The following ROBO2 variants were observed in gnomAD, a reference collection of about 807,000 sequenced individuals.
The protein encoded by ROBO2 is roundabout guidance receptor 2.
Under a neutral mutation model 160.8 loss-of-function variants are expected in ROBO2, and 53 were observed. That is an observed-to-expected ratio of 0.33 (90% confidence interval 0.26 to 0.41). The LOEUF (loss-of-function observed/expected upper bound fraction) is 0.41, where lower values mean the gene tolerates loss of function less well. Ranked by LOEUF, ROBO2 falls within the 10% of genes least tolerant of loss-of-function variation. The probability of loss-of-function intolerance (pLI) is 1.00; values close to 1 mark genes in which losing one functional copy is unlikely to be tolerated. For missense variants in ROBO2, 1,577 were observed against 1,722.4 expected, an observed-to-expected ratio of 0.92 and a Z score of 1.49; for synonymous variants, 664 against 611.7, an observed-to-expected ratio of 1.09 and a Z score of -1.26.
intron 1 of ROBO2, among the ~76,000 whole-genome samples, chr3:75,925,688 C>T (rs866747888): frequency 6.6e-6 from 1 of 152,178 alleles, no homozygotes; most frequent in African/African-American, 2.4e-5. Context: ...TCAATTTCTA[C>T]TCTTTATATT....
intron 2 of ROBO2, among the ~76,000 whole-genome samples, chr3:76,016,648 TA>T (rs528358858): frequency 7.3e-4 from 111 of 151,772 alleles, no homozygotes; most frequent in Non-Finnish European, 9.9e-4. Context: ...CAATTTTCAA[TA>T]AAAAAAATAA....
intron 2 of ROBO2, among the ~76,000 whole-genome samples, chr3:76,202,877 C>T (rs540723604): frequency 1.3e-4 from 20 of 151,336 alleles, no homozygotes; most frequent in Non-Finnish European, 2.5e-4. Context: ...ACTTGTTGAT[C>T]TACTGTCTCT....
intron 24 of ROBO2, among the ~76,000 whole-genome samples, chr3:77,641,400 T>A (rs544179259): frequency 6.6e-6 from 1 of 152,320 alleles, no homozygotes; most frequent in South Asian, 2.1e-4. Context: ...ATAAAGGTTC[T>A]TGAAGTTTTT....
intron 2 of ROBO2, among the ~76,000 whole-genome samples, chr3:77,124,821 C>G (rs1174070701): frequency 6.6e-6 from 1 of 151,892 alleles, no homozygotes; most frequent in Non-Finnish European, 1.5e-5. Context: ...AGGTCTTACC[C>G]TCTCTTCCTC....
chr3:77,032,671 C>T (rs1370470040), intron 2 of ROBO2, among the ~76,000 whole-genome samples: 1 of 152,122 alleles, frequency 6.6e-6, no homozygotes, highest in East Asian at 1.9e-4. Flanking sequence ...ATCTGTTGCT[C>T]AACTCACAGT....
chr3:76,894,029 T>G (rs2074569348), intron 2 of ROBO2, among the ~76,000 whole-genome samples: 1 of 152,150 alleles, frequency 6.6e-6, no homozygotes, highest in South Asian at 2.1e-4. Flanking sequence ...AGTTTGCTCT[T>G]TCAACAGTAG....
intron 2 of ROBO2, among the ~76,000 whole-genome samples, chr3:76,693,194 T>A (rs1336322011): frequency 6.7e-6 from 1 of 149,736 alleles, no homozygotes; most frequent in Non-Finnish European, 1.5e-5. Context: ...ATATAGTGTA[T>A]ATATATAGTG....
intron 1 of ROBO2, among the ~76,000 whole-genome samples, chr3:75,937,133 A>G (rs991067349): frequency 6.6e-6 from 1 of 152,158 alleles, no homozygotes; most frequent in Admixed American, 6.6e-5. Context: ...CCTAAATATC[A>G]AGTTATACTT....
chr3:76,824,007 G>T (rs975511400), intron 2 of ROBO2, among the ~76,000 whole-genome samples: 2 of 152,112 alleles, frequency 1.3e-5, no homozygotes, highest in Non-Finnish European at 2.9e-5. Context: ...GGTTTGTATG[G>T]CAGCTCTGTT....
chr3:77,532,482 C>A (rs1180134505), intron 6 of ROBO2, among the ~76,000 whole-genome samples: 1 of 151,804 alleles, frequency 6.6e-6, no homozygotes, highest in East Asian at 1.9e-4. Flanking sequence ...ATTTCAATAA[C>A]CTTTTCTTCT....
intron 2 of ROBO2, among the ~76,000 whole-genome samples, chr3:76,295,541 CA>C (rs552036239): frequency 1.3e-5 from 2 of 151,986 alleles, no homozygotes; most frequent in Non-Finnish European, 2.9e-5. Flanking sequence ...AGTGGATTTA[CA>C]AAAAAACTGT....
intron 16 of ROBO2, among the ~76,000 whole-genome samples, chr3:77,584,888 A>ATGTG (rs1207576980): frequency 2.9e-4 from 25 of 85,610 alleles, no homozygotes; most frequent in South Asian, 1.8e-3. Flanking sequence ...TTATATATAT[A>ATGTG]TGTATGTGTG....
At chr3:77,316,642 C>T (rs1581000047) in intron 2 of ROBO2, 2 of 618,566 alleles carry the variant, frequency 3.2e-6, no homozygotes, top group Non-Finnish European at 5.9e-6. Flanking sequence ...TGAGGTCTAA[C>T]ATATTTAGCA....
intron 2 of ROBO2, among the ~76,000 whole-genome samples, chr3:76,396,412 C>A (rs2077451377): frequency 6.6e-6 from 1 of 152,062 alleles, no homozygotes; most frequent in African/African-American, 2.4e-5. Flanking sequence ...AAAACTGGCA[C>A]AAGACAGGGA....
At chr3:76,129,990 T>G (rs1369689992) in intron 2 of ROBO2, among the ~76,000 whole-genome samples, 1 of 152,030 alleles carries the variant, frequency 6.6e-6, no homozygotes, top group East Asian at 1.9e-4. Flanking sequence ...AAAAAACATA[T>G]GAGAAGGTTT....
At chr3:76,408,212 A>G (rs529153150) in intron 2 of ROBO2, among the ~76,000 whole-genome samples, 23 of 152,222 alleles carry the variant, frequency 1.5e-4, no homozygotes, top group East Asian at 3.9e-4. Context: ...ATTGATGCCA[A>G]TCTCCCTTGA....
At chr3:76,455,470 A>G (rs1410826792) in intron 2 of ROBO2, among the ~76,000 whole-genome samples, 1 of 152,148 alleles carries the variant, frequency 6.6e-6, no homozygotes, top group African/African-American at 2.4e-5. Context: ...GAGTAAAATA[A>G]TAAAATGTAT....
intron 2 of ROBO2, among the ~76,000 whole-genome samples, chr3:76,856,417 C>T (rs1464684238): frequency 1.3e-5 from 2 of 152,120 alleles, no homozygotes; most frequent in African/African-American, 4.8e-5. Context: ...TTACCCATTC[C>T]CTCCAATCCT....
intron 2 of ROBO2, among the ~76,000 whole-genome samples, chr3:76,351,524 A>G (rs2074873141): frequency 6.6e-6 from 1 of 151,880 alleles, no homozygotes; most frequent in South Asian, 2.1e-4. Flanking sequence ...TAATCTGAAT[A>G]TATATTTTTT....
Sources: allele counts gnomAD v4.1 joint callset (sites outside exome capture counted in the v4.1 genomes callset), GRCh38; gene constraint gnomAD v4.1.1; transcripts MANE v1.5; gene names NCBI Gene and HGNC (gene_info 2026-07-23, HGNC 2026-07-21).